The following RIF1 variants were observed in gnomAD, a reference collection of about 807,000 sequenced individuals.
RIF1 encodes telomere-associated protein RIF1.
RIF1 carries 45 observed loss-of-function variants against 247.1 expected under a neutral mutation model. The ratio of observed to expected loss-of-function variants is 0.18; its 90% CI spans 0.14 to 0.23. RIF1 has a LOEUF of 0.23. RIF1 is among the 10% of genes least tolerant of loss of function. The pLI, the probability that RIF1 is intolerant of heterozygous loss-of-function variation, is 1.00. For synonymous variants in RIF1, 1,087 were observed against 978.8 expected, an observed-to-expected ratio of 1.11 and a Z score of -2.06; for missense variants, 2,967 against 2,862.5, an observed-to-expected ratio of 1.04 and a Z score of -0.83.
chr2:151,493,426 A>G (rs761657388), intron 9 of RIF1: 2 of 1,605,464 alleles, frequency 1.2e-6, no homozygotes, highest in South Asian at 1.1e-5. Context: ...TGCTTTTCTC[A>G]TGTTCTCTTT....
In RIF1 at chr2:151,461,195, A is replaced by G. The variant is rs150517790; in HGVS notation, c.3133A>G (p.Lys1045Glu). Residue 1045 changes from lysine to glutamate, a missense_variant, in exon 27 of 36, where the codon AAG becomes GAG. Lys to Glu is a moderately conservative substitution (Grantham distance 56, BLOSUM62 1). Transcript: ENST00000444746. Reference protein sequence around the residue: ...VKGEILLEEEKSTDFVFIPPE... With the variant: ...VKGEILLEEEESTDFVFIPPE... ...GGGTGAAATTCTTTTGGAAGAGGAAAAGTCTACTGACTTTGTGTTTATACC... is the reference window on the plus strand; with the variant it reads ...GGGTGAAATTCTTTTGGAAGAGGAAGAGTCTACTGACTTTGTGTTTATACC... The G allele has an allele frequency of 6.2e-7, 1 of 1,613,436 alleles. No homozygotes were observed. The highest frequency in any genetic ancestry group is 8.5e-7 in the Non-Finnish European group (1 of 1,179,618).
intron 8 of RIF1, among the ~76,000 whole-genome samples, chr2:151,424,581 G>A (rs1688686766): frequency 6.6e-6 from 1 of 152,140 alleles, no homozygotes; most frequent in Admixed American, 6.5e-5. Context: ...ATCTGTTGGA[G>A]TTCCTGCTTT....
At chr2:151,442,387 T>TAA (rs1558975716) in intron 16 of RIF1, among the ~76,000 whole-genome samples, 10 of 149,500 alleles carry the variant, frequency 6.7e-5, no homozygotes, top group Admixed American at 2.0e-4. Context: ...TCCCTTTTTT[T>TAA]TAAAAAAAAA....
At chr2:151,461,431 G>C (rs1696138037) in intron 27 of RIF1, 142 bp downstream of exon 27, 3 of 740,780 alleles carry the variant, frequency 4.0e-6, no homozygotes, top group Non-Finnish European at 6.3e-6. Context: ...TCACTCTGTT[G>C]CCCAGGCTGG....
chr2:151,433,757 GA>G (rs1020577771), intron 10 of RIF1, among the ~76,000 whole-genome samples: 3 of 152,016 alleles, frequency 2.0e-5, no homozygotes, highest in African/African-American at 7.2e-5. Flanking sequence ...GCCTGGCCCT[GA>G]AATGTTTTTA....
intron 20 of RIF1, among the ~76,000 whole-genome samples, chr2:151,450,446 G>A (rs948302966): frequency 6.6e-6 from 1 of 152,048 alleles, no homozygotes; most frequent in African/African-American, 2.4e-5. Flanking sequence ...TTATACATTA[G>A]AGATTAATGA....
the RIF1 span, chr2:151,533,669 A>T: frequency 1.6e-6 from 1 of 636,940 alleles, no homozygotes. Context: ...GTACTCACAT[A>T]TGTGCGGGTG....
chr2:151,527,300 G>C, the RIF1 span, among the ~76,000 whole-genome samples: 1 of 152,162 alleles, frequency 6.6e-6, no homozygotes, highest in African/African-American at 2.4e-5. Context: ...AGGAGAATAG[G>C]CTCCATGGGC....
rs550672121 is a variant in RIF1 at position 151,448,888 on chromosome 2, CTTAG to C, written c.2244+2318_2244+2321del. On this transcript the variant is annotated intron_variant, in intron 20 of 35. Coordinates refer to ENST00000444746, the MANE Select transcript of RIF1 (RefSeq NM_018151.5). Reference sequence around the variant, plus strand: ...TCAGTTATCACCTTTAAAAAATGGTCTTAGTTAGGCTTTCTCCCTTTGTTCTTTT... The same window carrying C: ...TCAGTTATCACCTTTAAAAAATGGTCTTAGGCTTTCTCCCTTTGTTCTTTT... Among the ~76,000 whole-genome samples the C allele has an allele frequency of 3.5e-3, 539 of 152,260 alleles. 3 individuals carry two copies. Among genetic ancestry groups the C allele is most frequent in the African/African-American group, 0.012 (514 of 41,560 alleles).
chr2:151,444,317 T>C (rs554558642), intron 18 of RIF1, among the ~76,000 whole-genome samples: 1 of 152,290 alleles, frequency 6.6e-6, no homozygotes, highest in East Asian at 1.9e-4. Flanking sequence ...TTTGTTGTTT[T>C]TGTTGTTGTT....
rs118138052 is a variant in RIF1 at position 151,459,211 on chromosome 2, A to G, written c.2955+301A>G. On this transcript the variant is annotated intron_variant, in intron 25 of 35. Coordinates refer to ENST00000444746, the MANE Select transcript of RIF1 (RefSeq NM_018151.5). Reference sequence around the variant, plus strand: ...CTGGAAATAATGGTTACTAAGCCATATCTAAGCCAGAGCTGCTGTTCATTT... The same window carrying G: ...CTGGAAATAATGGTTACTAAGCCATGTCTAAGCCAGAGCTGCTGTTCATTT... Among the ~76,000 whole-genome samples the G allele has an allele frequency of 2.3e-3, 356 of 152,044 alleles. 9 individuals are homozygous for G. The East Asian group carries it at 0.046, about 20-fold the overall frequency.
chr2:151,499,757 T>TA, intron 11 of RIF1, among the ~76,000 whole-genome samples: 1 of 152,380 alleles, frequency 6.6e-6, no homozygotes, highest in Admixed American at 6.5e-5. Context: ...GCGTTTGTCT[T>TA]ACGGTCTAAC....
chr2:151,457,421 C>A (rs577609335), intron 23 of RIF1, among the ~76,000 whole-genome samples: 7 of 152,328 alleles, frequency 4.6e-5, no homozygotes, highest in African/African-American at 1.7e-4. Context: ...CTGAGCCCAG[C>A]CTAGTTAATC....
the RIF1 span, chr2:151,525,115 T>A: frequency 7.7e-7 from 1 of 1,298,894 alleles, no homozygotes; most frequent in East Asian, 2.3e-5. Context: ...CAATCTGGGT[T>A]CCACTGCTTC....
intron 13 of RIF1, among the ~76,000 whole-genome samples, chr2:151,437,980 T>C (rs186059434): frequency 1.2e-3 from 186 of 152,322 alleles, no homozygotes; most frequent in African/African-American, 4.3e-3. Flanking sequence ...AATTGTTTGC[T>C]CTTTAACTGG....
At chr2:151,410,570 T>C in intron 2 of RIF1, 43 bp downstream of exon 2, 1 of 1,479,600 alleles carries the variant, frequency 6.8e-7, no homozygotes, top group Non-Finnish European at 9.4e-7. Context: ...GGGCGCTCTA[T>C]AGTGGGGAGA....
In RIF1 at chr2:151,410,536, C is replaced by T. The variant is rs1446896945; in HGVS notation, c.104+9C>T. On this transcript the variant is annotated intron_variant, in intron 2 of 35. Transcript: ENST00000444746. ...TACCTGACTCTGACCAGGTGAGGTC[C>T]GCCACGGGGCGTAGCGGAGAGTGGG... 6.2e-6 allele frequency: 10 copies of T among 1,608,408 alleles called. No individual in the cohort carries two copies. The highest frequency in any genetic ancestry group is 1.1e-5 in the South Asian group (1 of 90,706).
downstream of RIF1, among the ~76,000 whole-genome samples, chr2:151,487,075 G>A (rs190314267): frequency 6.6e-6 from 1 of 152,202 alleles, no homozygotes; most frequent in South Asian, 2.1e-4. Context: ...GCGTGTGTGT[G>A]TACTGACAGA....
chr2:151,522,867 A>C, the RIF1 span, among the ~76,000 whole-genome samples: 1 of 152,164 alleles, frequency 6.6e-6, no homozygotes, highest in African/African-American at 2.4e-5. Flanking sequence ...CAAAGTCAGA[A>C]CAGGGAAAGC....
Sources: allele counts gnomAD v4.1 joint callset (sites outside exome capture counted in the v4.1 genomes callset), GRCh38; gene constraint gnomAD v4.1.1; transcripts MANE v1.5; gene names NCBI Gene and HGNC (gene_info 2026-07-23, HGNC 2026-07-21).